The following MCOLN3 variants were observed in gnomAD, a reference collection of about 807,000 sequenced individuals.
The protein encoded by MCOLN3 is mucolipin-3.
In MCOLN3, 62 loss-of-function variants were observed where a neutral mutation model predicts 69.4. The observed-to-expected ratio is 0.89, with a 90% CI of 0.73 to 1.10. MCOLN3 has a LOEUF of 1.10. Among genes scored for constraint, MCOLN3 ranks in the 50% least tolerant of loss-of-function variants. The pLI is 0.00. For synonymous variants in MCOLN3, 183 were observed against 217.0 expected (o/e 0.84, Z 1.38); for missense variants, 564 against 656.4 (o/e 0.86, Z 1.54).
chr1:85,025,721 A>T (rs1490148437), intron 9 of MCOLN3: 4 of 507,256 alleles, frequency 7.9e-6, no homozygotes, highest in Non-Finnish European at 1.4e-5. Flanking sequence ...CAGGCACCCA[A>T]TGATTCTGAT....
chr1:85,034,511 A>G (rs1571112055), intron 3 of MCOLN3, among the ~76,000 whole-genome samples: 1 of 152,346 alleles, frequency 6.6e-6, no homozygotes, highest in African/African-American at 2.4e-5. Context: ...TAAAGTCTGA[A>G]GCCACATACT....
intron 9 of MCOLN3, among the ~76,000 whole-genome samples, chr1:85,024,083 C>T (rs1330681178): frequency 2.0e-5 from 3 of 151,246 alleles, no homozygotes; most frequent in East Asian, 2.0e-4. Context: ...TGCTTGAGCC[C>T]GGGAGTTTGA....
In MCOLN3 at chr1:85,022,069, C is replaced by T. The variant is rs202038316; in HGVS notation, c.1320+1G>A. ...ACAGGAAAAAAGTTGTTTATCAGTACCTTGTCATGGTAAGGCCCCAGCACG... is the reference window on the plus strand; with the variant it reads ...ACAGGAAAAAAGTTGTTTATCAGTATCTTGTCATGGTAAGGCCCCAGCACG... On this transcript the variant is annotated splice_donor_variant, in intron 11 of 12. Coordinates refer to ENST00000370589, the MANE Select transcript of MCOLN3 (RefSeq NM_018298.11). LOFTEE classifies it high-confidence loss of function. The T allele has an allele frequency of 2.8e-5, 45 of 1,613,182 alleles. No homozygotes were observed. The highest frequency in any genetic ancestry group is 3.6e-5 in the Non-Finnish European group (43 of 1,179,696).
chr1:85,025,832 C>T, intron 9 of MCOLN3, 107 bp downstream of exon 9: 1 of 1,144,730 alleles, frequency 8.7e-7, no homozygotes, highest in East Asian at 2.6e-5. Context: ...ACTTGATATA[C>T]AGTTTGGAAG....
intron 3 of MCOLN3, among the ~76,000 whole-genome samples, chr1:85,037,589 T>G (rs2102937082): frequency 6.6e-6 from 1 of 152,360 alleles, no homozygotes; most frequent in East Asian, 1.9e-4. Context: ...AATATATACA[T>G]TAACTATATA....
At chr1:85,038,879 C>T (rs906602583) in intron 3 of MCOLN3, among the ~76,000 whole-genome samples, 1 of 152,056 alleles carries the variant, frequency 6.6e-6, no homozygotes, top group African/African-American at 2.4e-5. Flanking sequence ...CCTGTAATCC[C>T]AGCTACTCAG....
chr1:85,022,440 G>GA (rs1460594610), intron 9 of MCOLN3, 40 bp from the exon 10 acceptor site: 1 of 1,405,876 alleles, frequency 7.1e-7, no homozygotes, highest in Non-Finnish European at 1.0e-6. Flanking sequence ...TTATAAAGCA[G>GA]AAATTCATTT....
intron 7 of MCOLN3, 144 bp from the exon 8 acceptor site, chr1:85,026,428 T>C (rs1226865328): frequency 3.1e-6 from 2 of 648,478 alleles, no homozygotes; most frequent in Non-Finnish European, 5.4e-6. Flanking sequence ...CCAATTAGTA[T>C]TTGAAGAAGG....
At chr1:85,026,783 C>G (rs1346892254) in intron 7 of MCOLN3, among the ~76,000 whole-genome samples, 1 of 150,990 alleles carries the variant, frequency 6.6e-6, no homozygotes, top group East Asian at 1.9e-4. Flanking sequence ...AAAATCACCA[C>G]AACTATCATT....
intron 6 of MCOLN3, chr1:85,029,704 T>A (rs960825501): frequency 6.5e-6 from 1 of 153,166 alleles, no homozygotes; most frequent in African/African-American, 2.4e-5. Flanking sequence ...TTAGTCACGT[T>A]GGCACTACAT....
chr1:85,025,001 CA>C (rs1295301631), intron 9 of MCOLN3: 1 of 152,236 alleles, frequency 6.6e-6, no homozygotes, highest in Non-Finnish European at 1.5e-5. Flanking sequence ...ACTCTTGAGC[CA>C]AGCCATCAGT....
chr1:85,020,696 G>A (rs1398522642), intron 12 of MCOLN3, among the ~76,000 whole-genome samples: 1 of 152,144 alleles, frequency 6.6e-6, no homozygotes, highest in Non-Finnish European at 1.5e-5. Context: ...TATGAAAATT[G>A]GAGTTTTTAT....
At chr1:85,048,135 AC>A (rs1653475763) in intron 1 of MCOLN3, among the ~76,000 whole-genome samples, 1 of 151,942 alleles carries the variant, frequency 6.6e-6, no homozygotes, top group Non-Finnish European at 1.5e-5. Context: ...GGAGCAGAGC[AC>A]CCCCACCCGC....
chr1:85,045,179 C>T lies in MCOLN3; in HGVS notation c.182G>A (p.Trp61Ter), dbSNP rs762540566. The T allele has an allele frequency of 6.2e-7, 1 of 1,613,840 alleles. No homozygotes were observed. The highest frequency in any genetic ancestry group is 1.7e-5 in the Admixed American group (1 of 59,998). ...EKFWARGRKP[W>*]KLAIQILKIA... is the part of the protein sequence containing the mutation. Reference sequence around the variant, plus strand: ...TTTTAGAATTTGTATGGCAAGTTTCCATGGTTTTCTACCTCGAGCCCAGAA... The same window carrying T: ...TTTTAGAATTTGTATGGCAAGTTTCTATGGTTTTCTACCTCGAGCCCAGAA... Residue 61 changes from tryptophan to a stop codon, truncating the protein, a stop_gained, in exon 2 of 13, where the codon TGG becomes TAG. Transcript: ENST00000370589. LOFTEE classifies it high-confidence loss of function.
At chr1:85,033,642 A>G (rs1229665784) in intron 4 of MCOLN3, among the ~76,000 whole-genome samples, 6 of 152,212 alleles carry the variant, frequency 3.9e-5, no homozygotes, top group Non-Finnish European at 7.3e-5. Context: ...AAGATGCATG[A>G]TAGTGAAGTG....
Position 85,045,368 on chromosome 1 carries a change from G to A in MCOLN3, c.-2-6C>T. 6.3e-7 allele frequency: 1 copy of A among 1,596,250 alleles called. No homozygotes were observed. Among genetic ancestry groups the A allele is most frequent in the Admixed American group, 1.8e-5 (1 of 56,860 alleles). On this transcript the variant is annotated splice_polypyrimidine_tract_variant and splice_region_variant and intron_variant, in intron 1 of 12. Transcript: ENST00000370589. ...TACCTCAGGATCTGCCATCTCTAGA[G>A]GAAAAAAACAACAACAACAACAACC...
rs568922260 is a variant in MCOLN3 at position 85,046,435 on chromosome 1, C to A, written c.-2-1073G>T. The stretch of plus-strand genomic sequence containing the variant: ...GATGGATCTTGGATTTTCCCTCAGA[C>A]TAAGATTGATATTATACTATGGAAA... On this transcript the variant is annotated intron_variant, in intron 1 of 12. Coordinates refer to ENST00000370589, the MANE Select transcript of MCOLN3 (RefSeq NM_018298.11). Among the ~76,000 whole-genome samples the A allele has an allele frequency of 2.6e-5, 4 of 152,172 alleles. No homozygotes were observed. The East Asian group carries it at 7.7e-4, about 29-fold the overall frequency.
rs150697998 is a variant in MCOLN3 at position 85,045,244 on chromosome 1, C to T, written c.117G>A (p.Arg39=). 981 of 1,614,080 alleles carry T rather than the reference C, an allele frequency of 6.1e-4. 9 individuals carry two copies. The African/African-American group carries it at 0.012, about 20-fold the overall frequency. ...SEELLLEDQM[R]RKLKFFFMNP... ...TCATGAAAAAAAATTTGAGTTTTCG[C>T]CTCATCTGGTCTTCTAATAGAAGCT... The change falls in exon 2 of 13, where the codon AGG becomes AGA. Residue 39 remains arginine (R), a synonymous_variant. Coordinates refer to ENST00000370589, the MANE Select transcript of MCOLN3 (RefSeq NM_018298.11).
At chr1:85,048,156 G>T (rs1653480964) in intron 1 of MCOLN3, among the ~76,000 whole-genome samples, 1 of 151,898 alleles carries the variant, frequency 6.6e-6, no homozygotes, top group Non-Finnish European at 1.5e-5. Context: ...CCCAGCCCCG[G>T]GCAGGCCCGG....
Sources: gnomAD v4.1 joint callset for allele counts (sites outside exome capture counted in the v4.1 genomes callset) on GRCh38, gnomAD v4.1.1 for gene constraint, MANE v1.5 for transcripts, NCBI Gene and HGNC (gene_info 2026-07-23, HGNC 2026-07-21) for gene names.